The following ZNF729 variants were observed in gnomAD, a reference collection of about 807,000 sequenced individuals.
ZNF729 encodes zinc finger protein 729.
In ZNF729, 15 loss-of-function variants were observed where a neutral mutation model predicts 12.2. That is an observed-to-expected ratio of 1.23 (90% CI 0.82 to 1.89). The LOEUF is 1.89. ZNF729 is among the 40% of genes most tolerant of loss of function. ZNF729 has a pLI of 0.00. For synonymous variants in ZNF729, 492 were observed against 476.3 expected, an observed-to-expected ratio of 1.03 and a Z score of -0.43; for missense variants, 1,540 against 1,456.7, an observed-to-expected ratio of 1.06 and a Z score of -0.93.
In ZNF729 at chr19:22,314,593, T is replaced by C. The variant is rs201992344; in HGVS notation, c.1176T>C (p.Thr392=). Residue 392 remains threonine (T), a synonymous_variant, in exon 4 of 4, where the codon ACT becomes ACC. Coordinates refer to ENST00000601693, the MANE Select transcript of ZNF729 (RefSeq NM_001242680.2). ...GKAFKWSSKL[T]VHKVVHTGEK... Reference sequence around the variant, plus strand: ...CTTTTAAGTGGTCTTCAAAACTTACTGTACATAAGGTAGTTCATACTGGAG... The same window carrying C: ...CTTTTAAGTGGTCTTCAAAACTTACCGTACATAAGGTAGTTCATACTGGAG... 4.1e-4 allele frequency: 655 copies of C among 1,610,426 alleles called. 1 individual carries two copies. In the African/African-American group the frequency reaches 6.8e-3, roughly 17 times the overall value.
At chr19:22,305,441 C>T (rs1968366651) in intron 3 of ZNF729, among the ~76,000 whole-genome samples, 2 of 151,880 alleles carry the variant, frequency 1.3e-5, no homozygotes, top group Admixed American at 6.6e-5. Context: ...GTGTCTGCAA[C>T]AGTTATGTTG....
intron 1 of ZNF729, among the ~76,000 whole-genome samples, chr19:22,295,984 T>A (rs1287553740): frequency 2.6e-5 from 4 of 152,224 alleles, no homozygotes; most frequent in Non-Finnish European, 5.9e-5. Flanking sequence ...GCCTACTTGA[T>A]CATAGTGGAG....
intron 3 of ZNF729, among the ~76,000 whole-genome samples, chr19:22,312,423 A>C (rs1364991563): frequency 7.4e-6 from 1 of 135,480 alleles, no homozygotes; most frequent in African/African-American, 3.0e-5. Flanking sequence ...TGTTCTTAGA[A>C]TGTGTCTTGT....
Position 22,316,193 on chromosome 19 carries a change from CAT to C in ZNF729, c.2778_2779del (p.His926GlnfsTer13), listed in dbSNP as rs758894769. 15 of 1,612,684 alleles carry C rather than the reference CAT, an allele frequency of 9.3e-6. No homozygotes were observed. The highest frequency in any genetic ancestry group is 1.2e-5 in the Non-Finnish European group (14 of 1,179,516). On this transcript the variant is annotated frameshift_variant, in exon 4 of 4. Transcript: ENST00000601693. LOFTEE classifies it low-confidence loss of function (END_TRUNC). Reference protein sequence around the residue: ...AFKHFSALRKHKIIHTGKKPY... With the variant: ...AFKHFSALRKXKIIHTGKKPY... ...TAAGCATTTCTCAGCCCTTAGAAAA[CAT>C]AAGATAATTCATACTGGAAAGAAAC...
chr19:22,314,383 T>A lies in ZNF729; in HGVS notation c.966T>A (p.Cys322Ter). Residue 322 changes from cysteine (C) to a stop codon, truncating the protein, a stop_gained, in exon 4 of 4, where the codon TGT (cysteine) becomes TGA (stop). Coordinates refer to ENST00000601693, the MANE Select transcript of ZNF729 (RefSeq NM_001242680.2). LOFTEE classifies it low-confidence loss of function (END_TRUNC). Reference sequence around the variant, plus strand: ...ATACTGCAGAGAAACCCTACAAATGTGAAGATTGTGGCAAAACTTTTAACC... The same window carrying A: ...ATACTGCAGAGAAACCCTACAAATGAGAAGATTGTGGCAAAACTTTTAACC... ...VIHTAEKPYK[C>*]EDCGKTFNHF... The A allele has an allele frequency of 6.3e-7, 1 of 1,591,976 alleles. No individual in the cohort carries two copies. Among genetic ancestry groups the A allele is most frequent in the Non-Finnish European group, 8.6e-7 (1 of 1,166,564 alleles).
intron 3 of ZNF729, among the ~76,000 whole-genome samples, chr19:22,312,279 T>G (rs1267138744): frequency 2.0e-5 from 3 of 152,210 alleles, no homozygotes; most frequent in Admixed American, 6.5e-5. Context: ...CCTAATATTC[T>G]ATATACATTG....
At chr19:22,312,938 C>T (rs1968469697) in intron 3 of ZNF729, among the ~76,000 whole-genome samples, 1 of 152,104 alleles carries the variant, frequency 6.6e-6, no homozygotes, top group Admixed American at 6.5e-5. Flanking sequence ...GTCTCGAACT[C>T]CCGACCTCAG....
At chr19:22,304,015 AT>A in intron 2 of ZNF729, 131 bp downstream of exon 2, 1 of 690,020 alleles carries the variant, frequency 1.4e-6, no homozygotes, top group Non-Finnish European at 2.2e-6. Flanking sequence ...GGAAACAGGG[AT>A]TTATAAGTGT....
At chr19:22,303,701 A>C in intron 1 of ZNF729, 57 bp from the exon 2 acceptor site, 1 of 1,468,934 alleles carries the variant, frequency 6.8e-7, no homozygotes, top group Non-Finnish European at 9.1e-7. Context: ...TCAAATTAAA[A>C]ATTTCTGCCC....
chr19:22,299,560 C>CTT, intron 1 of ZNF729: 1 of 150,566 alleles, frequency 6.6e-6, no homozygotes. Context: ...ATGCATTTAA[C>CTT]TTTTTTTTTT....
At position 22,314,728 on chromosome 19, in the gene ZNF729, T is replaced by G; in HGVS notation, c.1311T>G (p.Cys437Trp). 1 of 1,613,504 alleles carries G rather than the reference T, an allele frequency of 6.2e-7. No individual in the cohort carries two copies. The highest frequency in any genetic ancestry group is 1.7e-5 in the Admixed American group (1 of 60,012). ...TGKKPYKCEE[C>W]GKAFNSSSTL... ...AGAAACCCTACAAATGTGAAGAATG[T>G]GGCAAAGCTTTTAACAGTTCCTCAA... Residue 437 changes from cysteine to tryptophan, a missense_variant, in exon 4 of 4, where the codon TGT (cysteine) becomes TGG (tryptophan). Coordinates refer to ENST00000601693, the MANE Select transcript of ZNF729 (RefSeq NM_001242680.2).
chr19:22,288,281 T>G (rs1037640442), intron 1 of ZNF729, among the ~76,000 whole-genome samples: 3 of 151,820 alleles, frequency 2.0e-5, no homozygotes, highest in Admixed American at 1.3e-4. Flanking sequence ...AATTATCCCC[T>G]GACACTGCGT....
At chr19:22,292,400 A>T (rs1473928825) in intron 1 of ZNF729, among the ~76,000 whole-genome samples, 2 of 152,140 alleles carry the variant, frequency 1.3e-5, no homozygotes, top group Non-Finnish European at 2.9e-5. Flanking sequence ...ACAGTATTCC[A>T]TGATGTTTAT....
chr19:22,294,325 A>G (rs965659847), intron 1 of ZNF729, among the ~76,000 whole-genome samples: 1 of 152,108 alleles, frequency 6.6e-6, no homozygotes, highest in African/African-American at 2.4e-5. Flanking sequence ...TTGGTCTGTG[A>G]GTCTGTTTCT....
chr19:22,290,279 G>A (rs537334856), intron 1 of ZNF729, among the ~76,000 whole-genome samples: 1 of 152,324 alleles, frequency 6.6e-6, no homozygotes, highest in South Asian at 2.1e-4. Flanking sequence ...ACAGCCAGAT[G>A]CAGTTAAGGT....
chr19:22,307,342 T>A (rs554324395), intron 3 of ZNF729, among the ~76,000 whole-genome samples: 2,597 of 112,200 alleles, frequency 0.023, 83 homozygotes, highest in African/African-American at 0.078. Context: ...TTTTTTTTTT[T>A]AGCTGTGCTA....
At chr19:22,298,341 TACAG>T (rs1366306374) in intron 1 of ZNF729, among the ~76,000 whole-genome samples, 6 of 152,188 alleles carry the variant, frequency 3.9e-5, no homozygotes, top group Admixed American at 2.6e-4. Context: ...GAATTATGGC[TACAG>T]ACAATTTAAA....
intron 1 of ZNF729, among the ~76,000 whole-genome samples, chr19:22,300,688 A>G (rs779138564): frequency 6.6e-6 from 1 of 152,186 alleles, no homozygotes; most frequent in African/African-American, 2.4e-5. Context: ...CAGGGCAGCA[A>G]TCAACCATTT....
rs1346885174 is a variant in ZNF729, at chr19:22,316,469, A to G, written c.3052A>G (p.Lys1018Glu). ...ACATAAGCTAATTCATACTAGGGAG[A>G]AATTGTACAAATGTGAAGAATGTGT... ...KKHKLIHTRE[K>E]LYKCEECVKA... Residue 1018 changes from lysine to glutamate, a missense_variant, in exon 4 of 4, where the codon AAA becomes GAA. Transcript: ENST00000601693. 16 of 1,613,546 alleles carry G rather than the reference A, an allele frequency of 9.9e-6. No homozygotes were observed. The highest frequency in any genetic ancestry group is 1.4e-5 in the Non-Finnish European group (16 of 1,179,730).
Sources: gnomAD v4.1 joint callset for allele counts (sites outside exome capture counted in the v4.1 genomes callset) on GRCh38, gnomAD v4.1.1 for gene constraint, MANE v1.5 for transcripts, NCBI Gene and HGNC (gene_info 2026-07-23, HGNC 2026-07-21) for gene names.